The following AGFG1 variants were observed in gnomAD, a reference collection of about 807,000 sequenced individuals.
AGFG1 encodes arf-GAP domain and FG repeat-containing protein 1.
AGFG1 carries 10 observed loss-of-function variants against 60.6 expected under a neutral mutation model. The observed-to-expected ratio is 0.16, with a 90% CI of 0.10 to 0.28. The LOEUF is 0.28. Among genes scored for constraint, AGFG1 ranks in the 10% least tolerant of loss-of-function variants. The pLI is 1.00. For synonymous variants in AGFG1, 247 were observed against 242.9 expected (o/e 1.02, Z -0.16); for missense variants, 537 against 676.5 (o/e 0.79, Z 2.29).
In AGFG1 at chr2:227,472,236, C is replaced by A; in HGVS notation, c.-186C>A. ...CCGGTTGGTGTGGCCCGTCAGCCCG[C>A]GTACCACAGCGCCCGGGCCGCGTCG... On this transcript the variant is annotated 5_prime_UTR_variant, in exon 1 of 13. Coordinates refer to ENST00000310078, the MANE Select transcript of AGFG1 (RefSeq NM_004504.5). 1 of 186,540 alleles carries A rather than the reference C, an allele frequency of 5.4e-6. No individual in the cohort carries two copies. The highest frequency in any genetic ancestry group is 1.0e-5 in the Non-Finnish European group (1 of 98,888). 11.6% of individuals were successfully genotyped at this position (186,540 alleles called of 1,614,324 possible).
At chr2:227,527,759 A>G (rs1479195930) in intron 5 of AGFG1, among the ~76,000 whole-genome samples, 2 of 152,138 alleles carry the variant, frequency 1.3e-5, no homozygotes, top group Admixed American at 1.3e-4. Context: ...ACTTTGCTTT[A>G]TATTATTTTG....
At chr2:227,484,266 G>T (rs1690553619) in intron 1 of AGFG1, among the ~76,000 whole-genome samples, 1 of 151,952 alleles carries the variant, frequency 6.6e-6, no homozygotes, top group Non-Finnish European at 1.5e-5. Context: ...TCGGCTCACT[G>T]CAACCTCTGC....
chr2:227,478,483 A>G (rs1192120910), intron 1 of AGFG1, among the ~76,000 whole-genome samples: 1 of 151,962 alleles, frequency 6.6e-6, no homozygotes, highest in Non-Finnish European at 1.5e-5. Flanking sequence ...ACCTGGGACT[A>G]CAGGCGCGTG....
intron 2 of AGFG1, chr2:227,510,606 ATTCCT>A (rs1691468736): frequency 6.6e-6 from 1 of 152,216 alleles, no homozygotes; most frequent in African/African-American, 2.4e-5. Flanking sequence ...TCCTGTTTGC[ATTCCT>A]GGTTCCCATG....
Position 227,533,647 on chromosome 2 carries a change from C to T in AGFG1, c.913C>T (p.His305Tyr). ...TGGAACCTTCAATACTTCCCAGAGT[C>T]ATCAAACAGCATCAGCTGTTAGTAA... is the stretch of plus-strand genomic sequence containing the variant. ...DFGTFNTSQS[H>Y]QTASAVSKVS... Residue 305 changes from histidine (H) to tyrosine (Y), a missense_variant, in exon 7 of 13, where the codon CAT (histidine) becomes TAT (tyrosine). Physicochemically the swap from His to Tyr is moderately conservative, Grantham distance 83. This residue lies in a region of AGFG1 where 287 missense variants were observed against 343.6 expected (regional missense o/e 0.84). Transcript: ENST00000310078. The T allele has an allele frequency of 6.2e-7, 1 of 1,613,794 alleles. No homozygotes were observed. Among genetic ancestry groups the T allele is most frequent in the Non-Finnish European group, 8.5e-7 (1 of 1,179,764 alleles).
intron 2 of AGFG1, among the ~76,000 whole-genome samples, chr2:227,496,110 C>CAAA (rs748201686): frequency 2.7e-5 from 1 of 37,294 alleles, no homozygotes; most frequent in African/African-American, 1.2e-4. Flanking sequence ...GAGACTGTCT[C>CAAA]AAAAAAAAAA....
Position 227,555,572 on chromosome 2 carries a change from ATAT to A in AGFG1, c.*1081_*1083del, listed in dbSNP as rs774558916. ...TTTCTTTCTTTTTTTGGGCAAACTG[ATAT>A]TATCTATAGGATATTTGTTTATGTT... On this transcript the variant is annotated 3_prime_UTR_variant, in exon 13 of 13. Coordinates refer to ENST00000310078, the MANE Select transcript of AGFG1 (RefSeq NM_004504.5). The A allele has an allele frequency of 1.3e-5, 2 of 152,508 alleles. No homozygotes were observed. Among genetic ancestry groups the A allele is most frequent in the Non-Finnish European group, 2.9e-5 (2 of 67,998 alleles). The allele number at this position is 152,508 out of a possible 1,614,324, so 9.4% of individuals were successfully genotyped here.
intron 2 of AGFG1, among the ~76,000 whole-genome samples, chr2:227,502,357 G>A (rs1264393615): frequency 6.6e-6 from 1 of 152,088 alleles, no homozygotes; most frequent in African/African-American, 2.4e-5. Flanking sequence ...GTCTCACTCT[G>A]TTGCCCAGAC....
intron 10 of AGFG1, among the ~76,000 whole-genome samples, chr2:227,541,538 T>C (rs922294687): frequency 6.6e-5 from 10 of 152,254 alleles, no homozygotes; most frequent in African/African-American, 2.4e-4. Flanking sequence ...GGCTCTGTTC[T>C]GTTCCATTGG....
intron 10 of AGFG1, among the ~76,000 whole-genome samples, chr2:227,543,832 G>C (rs1575113286): frequency 2.1e-5 from 2 of 95,294 alleles, no homozygotes; most frequent in East Asian, 7.2e-4. Flanking sequence ...TTTAAATCTG[G>C]GTTCTCCTGT....
At chr2:227,544,281 A>T (rs1692578945) in intron 10 of AGFG1, among the ~76,000 whole-genome samples, 3 of 148,344 alleles carry the variant, frequency 2.0e-5, no homozygotes, top group Admixed American at 6.9e-5. Context: ...CAGCCTTCCC[A>T]GTAGCTTGGA....
rs1559206854 is a variant in AGFG1 at position 227,556,786 on chromosome 2, A to G, written c.*2291A>G. 1 of 152,242 alleles carries G rather than the reference A, an allele frequency of 6.6e-6. No individual in the cohort carries two copies. 9.4% of individuals were successfully genotyped at this position (152,242 alleles called of 1,614,324 possible). On this transcript the variant is annotated 3_prime_UTR_variant, in exon 13 of 13. Transcript: ENST00000310078. ...AATGTTTAGTTCAAGAAGAGACCCA[A>G]GCTGGGTATGGTGGTGTGAGAGCCT... is the stretch of plus-strand genomic sequence containing the variant.
intron 10 of AGFG1, among the ~76,000 whole-genome samples, chr2:227,549,388 T>C (rs1054575193): frequency 6.6e-6 from 1 of 152,250 alleles, no homozygotes; most frequent in Non-Finnish European, 1.5e-5. Context: ...AATTTAAGTT[T>C]ACTTTCTATT....
At chr2:227,498,709 C>T (rs750779836) in intron 2 of AGFG1, among the ~76,000 whole-genome samples, 2 of 152,082 alleles carry the variant, frequency 1.3e-5, no homozygotes, top group Non-Finnish European at 2.9e-5. Flanking sequence ...TATCATAATC[C>T]GTGGGTCTTT....
chr2:227,554,950 C>G lies in AGFG1; in HGVS notation c.*455C>G, dbSNP rs1028341680. 3.9e-5 allele frequency: 6 copies of G among 152,842 alleles called. No homozygotes were observed. The highest frequency in any genetic ancestry group is 7.3e-5 in the Non-Finnish European group (5 of 68,224). 9.5% of individuals were successfully genotyped at this position (152,842 alleles called of 1,614,324 possible). ...TTTAACCATTGCTACTGGAAAGTAA[C>G]AGAGTCAAAATTGGAAGGTTTTATT... On this transcript the variant is annotated 3_prime_UTR_variant, in exon 13 of 13. Transcript: ENST00000310078.
chr2:227,531,988 C>T (rs905453478), intron 6 of AGFG1: 10 of 530,918 alleles, frequency 1.9e-5, no homozygotes, highest in Admixed American at 7.9e-5. Context: ...GTGCTGTTTT[C>T]GTAAACTCAT....
Position 227,557,881 on chromosome 2 carries a change from CT to C in AGFG1, c.*3390del, listed in dbSNP as rs1158922092. The stretch of plus-strand genomic sequence containing the variant: ...CAGTAGTACAATGAAAATAGTTTGA[CT>C]TTTCACAGCCTTTCAAAGAAAGGGT... On this transcript the variant is annotated 3_prime_UTR_variant, in exon 13 of 13. Transcript: ENST00000310078. 1 of 152,176 alleles carries C rather than the reference CT, an allele frequency of 6.6e-6. No homozygotes were observed. Among genetic ancestry groups the C allele is most frequent in the Non-Finnish European group, 1.5e-5 (1 of 68,028 alleles). The allele number at this position is 152,176 out of a possible 1,614,324, so 9.4% of individuals were successfully genotyped here. A position where few individuals can be genotyped will look rare whatever the true frequency, so the allele number is the denominator to read the frequency against.
chr2:227,523,703 A>G, intron 3 of AGFG1, 60 bp from the exon 4 acceptor site: 1 of 1,500,478 alleles, frequency 6.7e-7, no homozygotes, highest in East Asian at 2.3e-5. Flanking sequence ...TAAGCTTATC[A>G]TTTTTTGATA....
chr2:227,485,333 T>G (rs556358604), intron 1 of AGFG1, among the ~76,000 whole-genome samples: 94 of 148,122 alleles, frequency 6.3e-4, no homozygotes, highest in African/African-American at 2.3e-3. Flanking sequence ...AACTCCCAGG[T>G]TCAAGTGATT....
Sources: allele counts gnomAD v4.1 joint callset (sites outside exome capture counted in the v4.1 genomes callset), GRCh38; gene constraint gnomAD v4.1.1; regional missense constraint gnomAD v4.1.1; transcripts MANE v1.5; gene names NCBI Gene and HGNC (gene_info 2026-07-23, HGNC 2026-07-21).